ZRANB3: variants seen among roughly 807,000 people sequenced by gnomAD.
ZRANB3 encodes the protein zinc finger RANBP2-type containing 3, also known as DNA annealing helicase and endonuclease ZRANB3.
In ZRANB3, 125 loss-of-function variants were observed where a neutral mutation model predicts 133.8. The observed-to-expected ratio is 0.93, with a 90% CI of 0.81 to 1.08. The LOEUF (loss-of-function observed/expected upper bound fraction) is 1.08, where lower values mean the gene tolerates loss of function less well. ZRANB3 is among the 50% of genes least tolerant of loss of function. The pLI is 0.00. For synonymous variants in ZRANB3, 387 were observed against 432.7 expected (o/e 0.89, Z 1.31); for missense variants, 1,229 against 1,275.5 (o/e 0.96, Z 0.56).
chr2:135,223,247 C>T (rs943612173), intron 15 of ZRANB3, among the ~76,000 whole-genome samples: 3 of 149,718 alleles, frequency 2.0e-5, no homozygotes, highest in Admixed American at 6.6e-5. Flanking sequence ...CGAGACTGTC[C>T]TAAAAAAAAC....
At chr2:135,216,204 T>A (rs1694302804) in intron 17 of ZRANB3, among the ~76,000 whole-genome samples, 1 of 152,162 alleles carries the variant, frequency 6.6e-6, no homozygotes, top group South Asian at 2.1e-4. Context: ...GGAAAAGATT[T>A]TCGCTGTATG....
intron 3 of ZRANB3, among the ~76,000 whole-genome samples, chr2:135,383,161 A>T (rs1686802164): frequency 6.6e-6 from 1 of 152,162 alleles, no homozygotes; most frequent in Non-Finnish European, 1.5e-5. Flanking sequence ...CTACCAAGCA[A>T]ATGGAAAACA....
intron 2 of ZRANB3, among the ~76,000 whole-genome samples, chr2:135,402,987 C>T (rs1256690912): frequency 6.6e-6 from 1 of 152,078 alleles, no homozygotes; most frequent in Admixed American, 6.6e-5. Flanking sequence ...GCCAAGATGG[C>T]CAAATAGGAA....
In ZRANB3 at chr2:135,245,926, C is replaced by CAAAA. The variant is rs1177438717; in HGVS notation, c.1540-15003_1540-15000dup. On this transcript the variant is annotated intron_variant, in intron 12 of 20. Coordinates refer to ENST00000264159, the MANE Select transcript of ZRANB3 (RefSeq NM_032143.4). ...GGGCAACGAGATTGAAACTCCGTCTCAAAAAAAAAAAAAAAAAAAAAAGAG... is the reference window on the plus strand; with the variant it reads ...GGGCAACGAGATTGAAACTCCGTCTCAAAAAAAAAAAAAAAAAAAAAAAAAAGAG... Among the ~76,000 whole-genome samples the CAAAA allele has an allele frequency of 7.5e-3, 146 of 19,550 alleles. 20 individuals are homozygous for CAAAA. The highest frequency in any genetic ancestry group is 0.023 in the East Asian group (3 of 132). The allele number at this position is 19,550 out of a possible 152,430, so 12.8% of individuals were successfully genotyped here.
chr2:135,237,684 C>T (rs1000689990), intron 12 of ZRANB3, among the ~76,000 whole-genome samples: 8 of 151,876 alleles, frequency 5.3e-5, no homozygotes, highest in South Asian at 2.1e-4. Flanking sequence ...AGCAAACTAT[C>T]GCAAGGACAA....
intron 1 of ZRANB3, among the ~76,000 whole-genome samples, chr2:135,505,979 C>G (rs1053340068): frequency 6.6e-6 from 1 of 152,064 alleles, no homozygotes; most frequent in African/African-American, 2.4e-5. Context: ...GGCTTATGGT[C>G]TGAAAGATGT....
intron 8 of ZRANB3, among the ~76,000 whole-genome samples, chr2:135,311,667 T>C (rs776065418): frequency 3.3e-5 from 5 of 152,084 alleles, no homozygotes; most frequent in Non-Finnish European, 7.4e-5. Flanking sequence ...GAAGGATCCC[T>C]AGAGCCCAGG....
At chr2:135,523,319 C>G (rs1000843255) in intron 1 of ZRANB3, among the ~76,000 whole-genome samples, 18 of 152,194 alleles carry the variant, frequency 1.2e-4, no homozygotes, top group African/African-American at 4.3e-4. Context: ...CACCGCTCAA[C>G]AGGATTAGCA....
chr2:135,405,411 C>T (rs1373747693), intron 2 of ZRANB3, among the ~76,000 whole-genome samples: 4 of 152,100 alleles, frequency 2.6e-5, no homozygotes, highest in Admixed American at 6.6e-5. Flanking sequence ...GACAGATCAA[C>T]AAGACAGAAA....
At chr2:135,306,586 C>T (rs562793152) in intron 8 of ZRANB3, among the ~76,000 whole-genome samples, 35 of 146,892 alleles carry the variant, frequency 2.4e-4, no homozygotes, top group African/African-American at 8.1e-4. Flanking sequence ...GCCACCGCAC[C>T]CGGCCTTTTT....
intron 8 of ZRANB3, among the ~76,000 whole-genome samples, chr2:135,287,167 G>A (rs1459657277): frequency 1.3e-5 from 2 of 152,174 alleles, no homozygotes; most frequent in African/African-American, 4.8e-5. Context: ...ACCATTTATT[G>A]AATAGAGTGT....
intron 1 of ZRANB3, among the ~76,000 whole-genome samples, chr2:135,518,698 A>G (rs893690411): frequency 1.3e-5 from 2 of 152,150 alleles, no homozygotes; most frequent in African/African-American, 4.8e-5. Flanking sequence ...AACTGTTCCT[A>G]TTCAGCCATC....
intron 8 of ZRANB3, among the ~76,000 whole-genome samples, chr2:135,307,040 T>C (rs993581383): frequency 6.6e-6 from 1 of 152,136 alleles, no homozygotes; most frequent in Non-Finnish European, 1.5e-5. Flanking sequence ...TTTTAATTAA[T>C]GAATTTTATT....
intron 2 of ZRANB3, among the ~76,000 whole-genome samples, chr2:135,419,313 T>C (rs1688733121): frequency 1.3e-5 from 2 of 152,054 alleles, no homozygotes; most frequent in Non-Finnish European, 2.9e-5. Flanking sequence ...TGTGTACATT[T>C]TGGATTTTAC....
rs190476948 is a variant in ZRANB3 at position 135,354,073 on chromosome 2, A to G, written c.181-445T>C. Among the ~76,000 whole-genome samples the G allele has an allele frequency of 9.8e-5, 15 of 152,326 alleles. No individual in the cohort carries two copies. In the South Asian group the frequency reaches 1.2e-3, roughly 13 times the overall value. ...GATTATACAGTTAATAAAAAGTTTG[A>G]GATAATAAGGACCTGTAAAATTCAT... On this transcript the variant is annotated intron_variant, in intron 3 of 20. Transcript: ENST00000264159.
intron 7 of ZRANB3, among the ~76,000 whole-genome samples, chr2:135,314,303 T>C (rs1272197395): frequency 6.6e-6 from 1 of 152,228 alleles, no homozygotes; most frequent in African/African-American, 2.4e-5. Context: ...GAATATTAAA[T>C]AAAATTAATA....
At chr2:135,343,128 G>A (rs1684770324) in intron 6 of ZRANB3, among the ~76,000 whole-genome samples, 1 of 144,792 alleles carries the variant, frequency 6.9e-6, no homozygotes, top group Non-Finnish European at 1.5e-5. Flanking sequence ...AGAGGTTGCG[G>A]TGAGCCGTGA....
chr2:135,432,395 A>G (rs149877308), intron 2 of ZRANB3, among the ~76,000 whole-genome samples: 103 of 152,354 alleles, frequency 6.8e-4, no homozygotes, highest in African/African-American at 2.2e-3. Context: ...AATGCTTTCA[A>G]TAAGTTATAG....
At position 135,270,208 on chromosome 2, in the gene ZRANB3, G is replaced by A. The variant is rs1027396631; in HGVS notation, c.1207-1067C>T. On this transcript the variant is annotated intron_variant, in intron 10 of 20. Coordinates refer to ENST00000264159, the MANE Select transcript of ZRANB3 (RefSeq NM_032143.4). The stretch of plus-strand genomic sequence containing the variant: ...AATGCCACAGAATATTAGAAATAAT[G>A]CTGAAAAAATAAAAAGTAGTATTTA... Among the ~76,000 whole-genome samples, 3 of 152,136 alleles carry A rather than the reference G, an allele frequency of 2.0e-5. No homozygotes were observed. The East Asian group carries it at 5.8e-4, about 29-fold the overall frequency.
Sources: gnomAD v4.1 joint callset for allele counts (sites outside exome capture counted in the v4.1 genomes callset) on GRCh38, gnomAD v4.1.1 for gene constraint, MANE v1.5 for transcripts, NCBI Gene and HGNC (gene_info 2026-07-23, HGNC 2026-07-21) for gene names.